Variants in RNF141 observed in about 807,000 individuals in gnomAD.
RNF141 encodes the protein C3HC4-like zinc finger protein.
RNF141 carries 18 observed loss-of-function variants against 27.4 expected under a neutral mutation model. The ratio of observed to expected loss-of-function variants is 0.66; its 90% CI spans 0.45 to 0.97. The LOEUF (loss-of-function observed/expected upper bound fraction) is 0.97, where lower values mean the gene tolerates loss of function less well. RNF141 is among the 50% of genes least tolerant of loss of function. The pLI is 0.00. For synonymous variants in RNF141, 97 were observed against 96.6 expected (o/e 1.00, Z -0.02); for missense variants, 230 against 279.4 (o/e 0.82, Z 1.26).
At chr11:10,530,939 T>C in intron 2 of RNF141, among the ~76,000 whole-genome samples, 188 bp from the exon 3 acceptor site, 1 of 152,180 alleles carries the variant, frequency 6.6e-6, no homozygotes, top group East Asian at 1.9e-4. Flanking sequence ...AACATAAACA[T>C]GCAACTTAAT....
At chr11:10,531,927 G>A (rs1349312495) in intron 2 of RNF141, 1 of 416,372 alleles carries the variant, frequency 2.4e-6, no homozygotes, top group East Asian at 8.2e-5. Flanking sequence ...TAATTCTACA[G>A]TTCTCGGAGA....
chr11:10,521,613 AAAAT>A (rs1312866509), intron 4 of RNF141, among the ~76,000 whole-genome samples: 1 of 152,252 alleles, frequency 6.6e-6, no homozygotes. Flanking sequence ...TTTGAATGTA[AAAAT>A]AAATGTCAAA....
At chr11:10,526,870 A>G (rs1043973450) in intron 3 of RNF141, among the ~76,000 whole-genome samples, 2 of 152,220 alleles carry the variant, frequency 1.3e-5, no homozygotes, top group African/African-American at 4.8e-5. Flanking sequence ...AATTTTGGGA[A>G]GGTAAAATCT....
At chr11:10,536,347 G>A (rs1490927831) in intron 1 of RNF141, among the ~76,000 whole-genome samples, 1 of 152,162 alleles carries the variant, frequency 6.6e-6, no homozygotes, top group Non-Finnish European at 1.5e-5. Context: ...GACTAAAGCA[G>A]AGAGGCAAAG....
At chr11:10,518,920 A>C in intron 5 of RNF141, 114 bp downstream of exon 5, 2 of 690,758 alleles carry the variant, frequency 2.9e-6, no homozygotes, top group South Asian at 4.0e-5. Flanking sequence ...CAAAGTACTA[A>C]AGAATAAAAT....
At chr11:10,534,251 G>T in intron 1 of RNF141, 46 bp from the exon 2 acceptor site, 1 of 1,332,014 alleles carries the variant, frequency 7.5e-7, no homozygotes, top group South Asian at 1.4e-5. Flanking sequence ...ATACAAAAAC[G>T]GCAATATACT....
At chr11:10,538,832 G>A (rs192890022) in intron 1 of RNF141, among the ~76,000 whole-genome samples, 14 of 152,230 alleles carry the variant, frequency 9.2e-5, no homozygotes, top group Non-Finnish European at 7.4e-5. Flanking sequence ...ATGTAAACTG[G>A]GAAACATTTA....
At position 10,513,525 on chromosome 11, in the gene RNF141, TG is replaced by T. The variant is rs1444522574; in HGVS notation, c.*1390del. The T allele has an allele frequency of 6.6e-6, 1 of 152,210 alleles. No homozygotes were observed. Among genetic ancestry groups the T allele is most frequent in the African/African-American group, 2.4e-5 (1 of 41,462 alleles). The allele number at this position is 152,210 out of a possible 1,614,324, so 9.4% of individuals were successfully genotyped here. ...GCAAAAAAAATGGTTGAGGTGCAAC[TG>T]AAGATCACAATTCCATTATTACTAT... On this transcript the variant is annotated 3_prime_UTR_variant, in exon 6 of 6. Transcript: ENST00000265981.
At chr11:10,532,496 TACACACACACACACACACACACAC>T (rs10559393) in intron 2 of RNF141, among the ~76,000 whole-genome samples, 1 of 131,156 alleles carries the variant, frequency 7.6e-6, no homozygotes, top group Non-Finnish European at 1.6e-5. Context: ...GTTCATTTTC[TACACACACACACACACACACACAC>T]ACACACACAC....
At chr11:10,539,275 A>C (rs1455458311) in intron 1 of RNF141, among the ~76,000 whole-genome samples, 1 of 152,164 alleles carries the variant, frequency 6.6e-6, no homozygotes, top group Non-Finnish European at 1.5e-5. Flanking sequence ...TTTAAACCAT[A>C]ATTCATTCAT....
rs181088161 is a variant in RNF141, at chr11:10,514,244, A to C, written c.*672T>G. The C allele has an allele frequency of 0.086, 12,899 of 150,664 alleles. 657 individuals are homozygous for C. Among genetic ancestry groups the C allele is most frequent in the Admixed American group, 0.14 (2,130 of 15,274 alleles). The allele number at this position is 150,664 out of a possible 1,614,324, so 9.3% of individuals were successfully genotyped here. Reference sequence around the variant, plus strand: ...CCCAGGAGAAATCCATTTGCAAAGGAAAGTCACACCCAATTTTGTAGACCT... The same window carrying C: ...CCCAGGAGAAATCCATTTGCAAAGGCAAGTCACACCCAATTTTGTAGACCT... On this transcript the variant is annotated 3_prime_UTR_variant, in exon 6 of 6. Transcript: ENST00000265981.
In RNF141 at chr11:10,525,279, C is replaced by T. The variant is rs748405729; in HGVS notation, c.347G>A (p.Gly116Glu). The T allele has an allele frequency of 1.9e-6, 3 of 1,613,220 alleles. No homozygotes were observed. The highest frequency in any genetic ancestry group is 1.1e-5 in the South Asian group (1 of 90,952). Residue 116 changes from glycine to glutamate, a missense_variant, in exon 4 of 6, where the codon GGA (glycine) becomes GAA (glutamate). By Grantham distance (98) the Gly-to-Glu change is moderately conservative. Coordinates refer to ENST00000265981, the MANE Select transcript of RNF141 (RefSeq NM_016422.4). ...LYKDITSQAA[G>E]VLAQSSTSEE... ...AGAGGTGGAGCTCTGTGCCAATACT[C>T]CTGCTGCTTGACTTGTGATATCTTT... is the stretch of plus-strand genomic sequence containing the variant.
At chr11:10,527,639 A>C (rs1002860434) in intron 3 of RNF141, among the ~76,000 whole-genome samples, 1 of 87,384 alleles carries the variant, frequency 1.1e-5, no homozygotes, top group Non-Finnish European at 2.3e-5. Context: ...AGTGCATGAG[A>C]AGTCACGGGG....
At position 10,534,039 on chromosome 11, in the gene RNF141, C is replaced by G. The variant is rs72859181; in HGVS notation, c.120G>C (p.Gly40=). 0.013 allele frequency: 21,232 copies of G among 1,613,394 alleles called. 197 individuals carry two copies. The highest frequency in any genetic ancestry group is 0.014 in the Non-Finnish European group (17,080 of 1,179,578). The change falls in exon 2 of 6, where the codon GGG becomes GGC. Residue 40 remains glycine (G), a synonymous_variant. Transcript: ENST00000265981. ...ACACATCATTAAGCTCAGCTACTCT[C>G]CCAAGAAATTCTTCATAAGTTAAGG... is the stretch of plus-strand genomic sequence containing the variant. The part of the protein sequence containing the change: ...SGSLTYEEFL[G]RVAELNDVTA...
rs775027051 is a variant in RNF141 at position 10,534,200 on chromosome 11, T to C, written c.-42A>G. On this transcript the variant is annotated 5_prime_UTR_variant, in exon 2 of 6. An upstream start codon of the reference 5' UTR is lost. Coordinates refer to ENST00000265981, the MANE Select transcript of RNF141 (RefSeq NM_016422.4). Reference sequence around the variant, plus strand: ...TCAAAATCCAGAGTGTTGCTTCACATAGTTTCTGTCAAATATACAGAAAAG... The same window carrying C: ...TCAAAATCCAGAGTGTTGCTTCACACAGTTTCTGTCAAATATACAGAAAAG... The C allele has an allele frequency of 5.0e-6, 8 of 1,599,706 alleles. No individual in the cohort carries two copies. The highest frequency in any genetic ancestry group is 6.8e-6 in the Non-Finnish European group (8 of 1,172,504).
rs546806046 is a variant in RNF141 at position 10,528,474 on chromosome 11, T to TA, written c.252+2168dup. Among the ~76,000 whole-genome samples, 15 of 152,322 alleles carry TA rather than the reference T, an allele frequency of 9.8e-5. No individual in the cohort carries two copies. In the South Asian group the frequency reaches 2.5e-3, roughly 25 times the overall value. On this transcript the variant is annotated intron_variant, in intron 3 of 5. Coordinates refer to ENST00000265981, the MANE Select transcript of RNF141 (RefSeq NM_016422.4). Reference sequence around the variant, plus strand: ...AAGATGTTTAATCACATACAGATGTTAGACATATTGAGGCAAAAAGGAATT... The same window carrying TA: ...AAGATGTTTAATCACATACAGATGTTAAGACATATTGAGGCAAAAAGGAATT...
intron 3 of RNF141, among the ~76,000 whole-genome samples, chr11:10,526,091 A>C (rs1240085278): frequency 1.3e-5 from 2 of 152,204 alleles, no homozygotes; most frequent in African/African-American, 4.8e-5. Context: ...GAGGCCAGTA[A>C]GGTGAAGGTA....
Position 10,512,374 on chromosome 11 carries a change from CTAA to C in RNF141, c.*2539_*2541del, listed in dbSNP as rs1849808348. On this transcript the variant is annotated 3_prime_UTR_variant, in exon 6 of 6. Coordinates refer to ENST00000265981, the MANE Select transcript of RNF141 (RefSeq NM_016422.4). ...GTGCTCATTTATTTATTTGATAAGG[CTAA>C]TAACATTTTATATTCACAGTAGATC... 1 of 152,536 alleles carries C rather than the reference CTAA, an allele frequency of 6.6e-6. No homozygotes were observed. 9.4% of individuals were successfully genotyped at this position (152,536 alleles called of 1,614,324 possible).
At chr11:10,518,669 A>C (rs1849861583) in intron 5 of RNF141, 1 of 165,902 alleles carries the variant, frequency 6.0e-6, no homozygotes, top group African/African-American at 2.4e-5. Flanking sequence ...CTGATCTCTA[A>C]AGTTCCCTGA....
Sources: gnomAD v4.1 joint callset for allele counts (sites outside exome capture counted in the v4.1 genomes callset) on GRCh38, gnomAD v4.1.1 for gene constraint, MANE v1.5 for transcripts, NCBI Gene and HGNC (gene_info 2026-07-23, HGNC 2026-07-21) for gene names.